The following CSTPP1 variants were observed in gnomAD, a reference collection of about 807,000 sequenced individuals.
CSTPP1 encodes centriolar satellite-associated tubulin polyglutamylase complex regulator 1.
At chr11:47,008,268 T>G in the CSTPP1 span, among the ~76,000 whole-genome samples, 1 of 151,784 alleles carries the variant, frequency 6.6e-6, no homozygotes, top group Non-Finnish European at 1.5e-5. Context: ...CCCAGCCAAC[T>G]CTGATTTTTT....
chr11:47,014,393 AAAG>A, the CSTPP1 span, among the ~76,000 whole-genome samples: 2 of 151,774 alleles, frequency 1.3e-5, no homozygotes, highest in Non-Finnish European at 2.9e-5. Context: ...AAGAAAAAAA[AAAG>A]AGAGAAAGGA....
At chr11:47,108,807 A>G in the CSTPP1 span, among the ~76,000 whole-genome samples, 1 of 151,124 alleles carries the variant, frequency 6.6e-6, no homozygotes, top group Non-Finnish European at 1.5e-5. Flanking sequence ...CTTGGGTTCA[A>G]GCGATTCTCT....
chr11:46,954,948 C>T, the CSTPP1 span, among the ~76,000 whole-genome samples: 1 of 152,034 alleles, frequency 6.6e-6, no homozygotes, highest in Admixed American at 6.5e-5. Flanking sequence ...AATCAACCGT[C>T]AAATAAACAC....
the CSTPP1 span, among the ~76,000 whole-genome samples, chr11:46,974,719 G>T: frequency 2.0e-5 from 3 of 151,840 alleles, no homozygotes; most frequent in African/African-American, 7.3e-5. Flanking sequence ...GCTGGGTGTG[G>T]TGGTGTGCAC....
chr11:47,057,600 G>A, the CSTPP1 span, among the ~76,000 whole-genome samples: 1 of 152,132 alleles, frequency 6.6e-6, no homozygotes, highest in Non-Finnish European at 1.5e-5. Context: ...ACAGTATAGG[G>A]AGAGAGATTG....
chr11:47,161,845 A>G, the CSTPP1 span: 19 of 1,365,226 alleles, frequency 1.4e-5, no homozygotes, highest in Non-Finnish European at 1.8e-5. Context: ...CCCTGGCCCT[A>G]TCAGCCTGTG....
the CSTPP1 span, among the ~76,000 whole-genome samples, chr11:46,990,731 A>T: frequency 1.2e-4 from 18 of 152,162 alleles, no homozygotes; most frequent in African/African-American, 4.1e-4. Flanking sequence ...GATATTTCCT[A>T]GGTTTTCTTC....
the CSTPP1 span, chr11:46,948,216 C>T: frequency 1.1e-5 from 5 of 451,472 alleles, no homozygotes; most frequent in South Asian, 4.7e-5. Context: ...TGAGTTTGGG[C>T]GCTTGGGCTG....
chr11:46,991,261 TG>T, the CSTPP1 span, among the ~76,000 whole-genome samples: 1 of 151,440 alleles, frequency 6.6e-6, no homozygotes, highest in Admixed American at 6.6e-5. Flanking sequence ...GCTATTCAAA[TG>T]GCCTCACCTT....
At chr11:46,971,454 AG>A in the CSTPP1 span, among the ~76,000 whole-genome samples, 11 of 152,222 alleles carry the variant, frequency 7.2e-5, no homozygotes, top group African/African-American at 2.4e-4. Flanking sequence ...CATAAAAATG[AG>A]CATATCTTTT....
the CSTPP1 span, chr11:47,155,537 TAAC>T: frequency 1.9e-6 from 1 of 522,488 alleles, no homozygotes; most frequent in Admixed American, 3.2e-5. Flanking sequence ...ATAATGACAA[TAAC>T]AACATCCATA....
the CSTPP1 span, chr11:47,052,435 G>C: frequency 6.2e-7 from 1 of 1,613,982 alleles, no homozygotes; most frequent in Non-Finnish European, 8.5e-7. Context: ...CGAGAATTCA[G>C]CTTCGTCCAA....
the CSTPP1 span, among the ~76,000 whole-genome samples, chr11:47,036,034 G>GATATATATATATATATATAT: frequency 2.4e-3 from 61 of 25,362 alleles, 3 homozygotes; most frequent in Non-Finnish European, 3.0e-3. Context: ...GGAGTGAAAA[G>GATATATATATATATATATAT]ATATATATAT....
the CSTPP1 span, among the ~76,000 whole-genome samples, chr11:47,119,221 C>T: frequency 6.6e-6 from 1 of 152,280 alleles, no homozygotes; most frequent in Non-Finnish European, 1.5e-5. Flanking sequence ...GACTGCTGCG[C>T]TAGCAGTGAG....
the CSTPP1 span, among the ~76,000 whole-genome samples, chr11:47,074,172 C>A: frequency 1.3e-5 from 2 of 151,824 alleles, no homozygotes; most frequent in African/African-American, 4.8e-5. Flanking sequence ...CCACTGCACT[C>A]CAGCCTGGGC....
At chr11:46,967,016 G>C in the CSTPP1 span, among the ~76,000 whole-genome samples, 421 of 152,180 alleles carry the variant, frequency 2.8e-3, 3 homozygotes, top group African/African-American at 9.4e-3. Flanking sequence ...GGGAGAGACA[G>C]ACTCTATGGT....
chr11:47,111,402 G>A, the CSTPP1 span, among the ~76,000 whole-genome samples: 2 of 152,074 alleles, frequency 1.3e-5, no homozygotes, highest in Non-Finnish European at 2.9e-5. Context: ...CTTACTCCCC[G>A]GTGGTTTGTA....
the CSTPP1 span, among the ~76,000 whole-genome samples, chr11:47,090,864 C>T: frequency 6.7e-6 from 1 of 149,892 alleles, no homozygotes; most frequent in Non-Finnish European, 1.5e-5. Flanking sequence ...ACGGTGAAAC[C>T]CCATCTCTAC....
the CSTPP1 span, among the ~76,000 whole-genome samples, chr11:47,034,111 T>C: frequency 6.6e-6 from 1 of 150,792 alleles, no homozygotes; most frequent in Non-Finnish European, 1.5e-5. Context: ...AAAATATATA[T>C]ATATAAAAAT....
Sources: gnomAD v4.1 joint callset for allele counts (sites outside exome capture counted in the v4.1 genomes callset) on GRCh38, gnomAD v4.1.1 for gene constraint, MANE v1.5 for transcripts, NCBI Gene and HGNC (gene_info 2026-07-23, HGNC 2026-07-21) for gene names.